The following NCOA1 variants were observed in gnomAD, a reference collection of about 807,000 sequenced individuals.
NCOA1 encodes the protein Hin-2 protein.
A neutral mutation model predicts 150.9 loss-of-function variants in NCOA1; 35 were observed. That is an observed-to-expected ratio of 0.23 (90% CI 0.18 to 0.31). NCOA1 has a LOEUF of 0.31. Ranked by LOEUF, NCOA1 falls within the 10% of genes least tolerant of loss-of-function variation. The pLI is 1.00. For synonymous variants in NCOA1, 590 were observed against 630.0 expected (o/e 0.94, Z 0.95); for missense variants, 1,491 against 1,749.3 (o/e 0.85, Z 2.63).
At chr2:24,525,016 A>G (rs1016557421) in intron 1 of NCOA1, among the ~76,000 whole-genome samples, 1 of 152,200 alleles carries the variant, frequency 6.6e-6, no homozygotes, top group Admixed American at 6.5e-5. Flanking sequence ...GTGTAGGGCT[A>G]GTGCAGGGTA....
At chr2:24,725,196 TCTAC>T (rs1456447941) in intron 14 of NCOA1, among the ~76,000 whole-genome samples, 1 of 152,136 alleles carries the variant, frequency 6.6e-6, no homozygotes, top group Non-Finnish European at 1.5e-5. Flanking sequence ...AATGAGAAAT[TCTAC>T]CTCAATAAGC....
rs1299120611 is a variant in NCOA1, at chr2:24,731,506, T to G, written c.3201+1691T>G. The stretch of plus-strand genomic sequence containing the variant: ...TGCATTCAATAAACATAATATGTAA[T>G]ATAAAATGTGCTTCCATTCTGTTTA... On this transcript the variant is annotated intron_variant, in intron 17 of 22. Transcript: ENST00000348332. 2.0e-5 allele frequency among the ~76,000 whole-genome samples: 3 copies of G among 152,110 alleles called. No individual in the cohort carries two copies. In the East Asian group the frequency reaches 5.8e-4, roughly 29 times the overall value.
chr2:24,765,888 A>G (rs985313717), intron 22 of NCOA1, among the ~76,000 whole-genome samples: 9 of 144,292 alleles, frequency 6.2e-5, no homozygotes, highest in Non-Finnish European at 1.1e-4. Context: ...TGTAATTTCA[A>G]TAATACACTT....
chr2:24,567,667 C>A (rs1481324861), intron 2 of NCOA1, among the ~76,000 whole-genome samples: 4 of 152,178 alleles, frequency 2.6e-5, no homozygotes, highest in Non-Finnish European at 4.4e-5. Context: ...AAGTTCTCAT[C>A]AATTGAAATT....
intron 7 of NCOA1, among the ~76,000 whole-genome samples, chr2:24,682,056 T>C (rs1186012341): frequency 6.6e-6 from 1 of 152,114 alleles, no homozygotes; most frequent in African/African-American, 2.4e-5. Flanking sequence ...CCCGTCAGCA[T>C]TGTTAGATAG....
chr2:24,690,009 A>C (rs1175688303), intron 8 of NCOA1, among the ~76,000 whole-genome samples: 1 of 152,228 alleles, frequency 6.6e-6, no homozygotes, highest in Non-Finnish European at 1.5e-5. Context: ...TTCCTTTTGA[A>C]AATAGTCATA....
chr2:24,541,812 A>G (rs1215159736), intron 1 of NCOA1, among the ~76,000 whole-genome samples: 1 of 152,214 alleles, frequency 6.6e-6, no homozygotes, highest in East Asian at 1.9e-4. Flanking sequence ...GAAGTTCTAA[A>G]GAAGATATAA....
intron 8 of NCOA1, among the ~76,000 whole-genome samples, chr2:24,690,591 G>A (rs1227716235): frequency 6.9e-6 from 1 of 144,782 alleles, no homozygotes; most frequent in Non-Finnish European, 1.5e-5. Context: ...GGCGCAGGTT[G>A]TGGTGAGCCG....
chr2:24,711,774 A>G (rs1386590728), intron 14 of NCOA1, among the ~76,000 whole-genome samples: 1 of 152,208 alleles, frequency 6.6e-6, no homozygotes, highest in African/African-American at 2.4e-5. Flanking sequence ...TAATACATTA[A>G]ATTTATGAAG....
chr2:24,713,952 C>T (rs927048189), intron 14 of NCOA1, among the ~76,000 whole-genome samples: 6 of 152,274 alleles, frequency 3.9e-5, no homozygotes, highest in Admixed American at 2.0e-4. Context: ...CTACACTGTG[C>T]ATGTATTCAA....
At chr2:24,654,265 T>C (rs769456335) in intron 4 of NCOA1, among the ~76,000 whole-genome samples, 1 of 152,214 alleles carries the variant, frequency 6.6e-6, no homozygotes, top group Non-Finnish European at 1.5e-5. Context: ...GTTGTTCATA[T>C]TAAATTGTAA....
chr2:24,645,537 T>C (rs1242897746), intron 4 of NCOA1, among the ~76,000 whole-genome samples: 1 of 150,452 alleles, frequency 6.6e-6, no homozygotes, highest in East Asian at 1.9e-4. Flanking sequence ...AAAAATTTCA[T>C]CAGTTGCTAG....
At chr2:24,664,898 A>T (rs957550787) in intron 5 of NCOA1, among the ~76,000 whole-genome samples, 1 of 152,176 alleles carries the variant, frequency 6.6e-6, no homozygotes, top group African/African-American at 2.4e-5. Flanking sequence ...TATTAGTTTG[A>T]TGAAAACAAA....
At chr2:24,718,658 T>TC (rs1674181025) in intron 14 of NCOA1, among the ~76,000 whole-genome samples, 1 of 145,528 alleles carries the variant, frequency 6.9e-6, no homozygotes, top group Non-Finnish European at 1.5e-5. Flanking sequence ...ATGGTGAAAC[T>TC]CCATCTCTAC....
chr2:24,731,216 G>A (rs959796380), intron 17 of NCOA1, among the ~76,000 whole-genome samples: 6 of 152,134 alleles, frequency 3.9e-5, no homozygotes, highest in Admixed American at 3.9e-4. Context: ...GAAAGAAGGA[G>A]ATAAATTATA....
chr2:24,542,005 A>AC (rs1665419297), intron 1 of NCOA1, among the ~76,000 whole-genome samples: 1 of 152,230 alleles, frequency 6.6e-6, no homozygotes, highest in Non-Finnish European at 1.5e-5. Flanking sequence ...AACTAAAATT[A>AC]ATAATAATGA....
intron 14 of NCOA1, among the ~76,000 whole-genome samples, chr2:24,711,675 T>C (rs746917541): frequency 6.6e-6 from 1 of 152,256 alleles, no homozygotes; most frequent in African/African-American, 2.4e-5. Flanking sequence ...GAGTTTTCCA[T>C]GAAGTTGCTT....
intron 3 of NCOA1, among the ~76,000 whole-genome samples, chr2:24,600,236 T>C (rs1008042088): frequency 6.6e-6 from 1 of 152,204 alleles, no homozygotes; most frequent in African/African-American, 2.4e-5. Context: ...AGGGTCTGGC[T>C]CTGTCGCCCA....
intron 11 of NCOA1, among the ~76,000 whole-genome samples, chr2:24,701,978 C>G (rs1466485373): frequency 6.6e-6 from 1 of 152,116 alleles, no homozygotes; most frequent in Non-Finnish European, 1.5e-5. Flanking sequence ...CCACTGCACT[C>G]CAGCTTGGGT....
Sources: allele counts gnomAD v4.1 joint callset (sites outside exome capture counted in the v4.1 genomes callset), GRCh38; gene constraint gnomAD v4.1.1; transcripts MANE v1.5; gene names NCBI Gene and HGNC (gene_info 2026-07-23, HGNC 2026-07-21).